Variants in HIP1 observed in about 807,000 individuals in gnomAD.
HIP1 encodes the protein huntingtin-interacting protein 1.
Under a neutral mutation model 147.6 loss-of-function variants are expected in HIP1, and 65 were observed. The ratio of observed to expected loss-of-function variants is 0.44; its 90% CI spans 0.36 to 0.54. HIP1 has a LOEUF of 0.54. Among genes scored for constraint, HIP1 ranks in the 20% least tolerant of loss-of-function variants. HIP1 has a pLI of 0.00. For missense variants in HIP1, 1,061 were observed against 1,299.6 expected (o/e 0.82, Z 2.82); for synonymous variants, 479 against 504.0 (o/e 0.95, Z 0.67).
At chr7:75,708,069 G>T (rs2117343840) in intron 1 of HIP1, among the ~76,000 whole-genome samples, 1 of 147,768 alleles carries the variant, frequency 6.8e-6, no homozygotes, top group African/African-American at 2.6e-5. Context: ...AACACCAAAA[G>T]CAATGGCAAC....
chr7:75,621,602 G>A (rs1415666428), intron 1 of HIP1, among the ~76,000 whole-genome samples: 1 of 152,176 alleles, frequency 6.6e-6, no homozygotes, highest in Non-Finnish European at 1.5e-5. Flanking sequence ...GATTCAATAG[G>A]ATCCCTCTGG....
intron 1 of HIP1, among the ~76,000 whole-genome samples, chr7:75,686,607 G>A (rs1554517612): frequency 1.3e-5 from 2 of 151,910 alleles, no homozygotes; most frequent in African/African-American, 4.8e-5. Flanking sequence ...GAGAGAGAGG[G>A]ATTTTCTTAT....
At chr7:75,716,610 C>T (rs769048171) in intron 1 of HIP1, among the ~76,000 whole-genome samples, 6 of 151,240 alleles carry the variant, frequency 4.0e-5, no homozygotes, top group Non-Finnish European at 5.9e-5. Context: ...AGCTCCGCCT[C>T]CCGGGTTCAC....
intron 22 of HIP1, among the ~76,000 whole-genome samples, chr7:75,551,952 C>A (rs142225996): frequency 6.6e-6 from 1 of 151,766 alleles, no homozygotes; most frequent in East Asian, 1.9e-4. Context: ...TGCAAAGGCA[C>A]GATCTTAGCT....
At chr7:75,723,340 C>T (rs1389820456) in intron 1 of HIP1, among the ~76,000 whole-genome samples, 1 of 152,126 alleles carries the variant, frequency 6.6e-6, no homozygotes, top group East Asian at 1.9e-4. Context: ...CCATTGCACT[C>T]CACCCTGGGC....
At chr7:75,639,501 A>G (rs1431067309) in intron 1 of HIP1, among the ~76,000 whole-genome samples, 1 of 151,518 alleles carries the variant, frequency 6.6e-6, no homozygotes, top group Non-Finnish European at 1.5e-5. Context: ...GCTTCTCCCC[A>G]GAGTTCCCGG....
In HIP1 at chr7:75,592,457, T is replaced by G. The variant is rs1554501014; in HGVS notation, c.242A>C (p.Asn81Thr). The change falls in exon 3 of 31, where the codon AAC becomes ACC. Residue 81 changes from asparagine to threonine, a missense_variant. Transcript: ENST00000336926. ...KGAQTFWSVV[N>T]RLPLSSNAVL... ...TGCGTTGCTAGACAGAGGCAGGCGG[T>G]TGACAACAGACCAGAAGGTCTGTGC... 1 of 1,612,490 alleles carries G rather than the reference T, an allele frequency of 6.2e-7. No homozygotes were observed. Among genetic ancestry groups the G allele is most frequent in the Non-Finnish European group, 8.5e-7 (1 of 1,179,678 alleles).
intron 1 of HIP1, among the ~76,000 whole-genome samples, chr7:75,666,837 C>A (rs1344910054): frequency 1.3e-5 from 2 of 152,194 alleles, no homozygotes; most frequent in African/African-American, 4.8e-5. Flanking sequence ...CACACACCTA[C>A]CAGAGCGTTT....
At chr7:75,617,203 T>A (rs1018571516) in intron 1 of HIP1, among the ~76,000 whole-genome samples, 2 of 151,554 alleles carry the variant, frequency 1.3e-5, no homozygotes, top group African/African-American at 2.4e-5. Context: ...GCCTGCCAAG[T>A]CGCTGCGATT....
chr7:75,586,210 T>G (rs1796272236), intron 5 of HIP1, among the ~76,000 whole-genome samples: 1 of 151,844 alleles, frequency 6.6e-6, no homozygotes, highest in Admixed American at 6.6e-5. Flanking sequence ...TTTGTTTTTT[T>G]TTTTGAGACA....
intron 7 of HIP1, among the ~76,000 whole-genome samples, chr7:75,578,180 AC>A (rs1795910611): frequency 6.6e-6 from 1 of 152,098 alleles, no homozygotes; most frequent in Non-Finnish European, 1.5e-5. Context: ...TGGAAGGATG[AC>A]CCAAAGGTTG....
At chr7:75,576,356 C>T (rs1449003818) in intron 7 of HIP1, among the ~76,000 whole-genome samples, 3 of 152,194 alleles carry the variant, frequency 2.0e-5, no homozygotes, top group Admixed American at 1.3e-4. Context: ...ACCCCCAGAA[C>T]CGCCCCACCA....
intron 9 of HIP1, among the ~76,000 whole-genome samples, chr7:75,564,940 G>A (rs1349112670): frequency 6.6e-6 from 1 of 151,868 alleles, no homozygotes; most frequent in African/African-American, 2.4e-5. Context: ...GTGTCACCCA[G>A]GCTGAAGTGC....
At position 75,539,377 on chromosome 7, in the gene HIP1, C is replaced by T; in HGVS notation, c.3007G>A (p.Glu1003Lys). The stretch of plus-strand genomic sequence containing the variant: ...AGCTCGTAGTGCTTTTTCCGAAGCT[C>T]TCCCAGTTTTTGACGCTCCTTCTGC... ...ELQKERQKLG[E>K]LRKKHYELAG... Residue 1003 changes from glutamate (E) to lysine (K), a missense_variant, in exon 30 of 31, where the codon GAG (glutamate) becomes AAG (lysine). Coordinates refer to ENST00000336926, the MANE Select transcript of HIP1 (RefSeq NM_005338.7). The T allele has an allele frequency of 6.2e-7, 1 of 1,614,222 alleles. No individual in the cohort carries two copies. The highest frequency in any genetic ancestry group is 8.5e-7 in the Non-Finnish European group (1 of 1,180,034).
chr7:75,698,995 G>A (rs1474010467), intron 1 of HIP1, among the ~76,000 whole-genome samples: 1 of 152,012 alleles, frequency 6.6e-6, no homozygotes, highest in Admixed American at 6.6e-5. Context: ...GGTCAGGAGT[G>A]GAAGGGACGC....
At chr7:75,664,428 A>G (rs1356824803) in intron 1 of HIP1, among the ~76,000 whole-genome samples, 3 of 117,878 alleles carry the variant, frequency 2.5e-5, no homozygotes, top group Non-Finnish European at 3.5e-5. Flanking sequence ...ATGTGTGTGT[A>G]TACATATACA....
intron 1 of HIP1, among the ~76,000 whole-genome samples, chr7:75,693,968 G>A (rs1432116488): frequency 7.2e-6 from 1 of 139,362 alleles, no homozygotes. Context: ...CACCCAGGCT[G>A]GAGTGCAGTG....
chr7:75,559,530 GCGGTGCCTC>G (rs1795142130), intron 14 of HIP1, among the ~76,000 whole-genome samples, 193 bp downstream of exon 14: 1 of 152,152 alleles, frequency 6.6e-6, no homozygotes, highest in East Asian at 1.9e-4. Context: ...TCTGTGCTCA[GCGGTGCCTC>G]GCACACAGCT....
intron 1 of HIP1, chr7:75,626,146 TTA>T (rs1366641537): frequency 6.6e-6 from 1 of 152,180 alleles, no homozygotes; most frequent in Non-Finnish European, 1.5e-5. Flanking sequence ...TGGTATTTTG[TTA>T]TAGCAGCAAG....
Sources: gnomAD v4.1 joint callset for allele counts (sites outside exome capture counted in the v4.1 genomes callset) on GRCh38, gnomAD v4.1.1 for gene constraint, MANE v1.5 for transcripts, NCBI Gene and HGNC (gene_info 2026-07-23, HGNC 2026-07-21) for gene names.